Variants in RAB40C observed in about 807,000 individuals in gnomAD.
The protein encoded by RAB40C is RAB40C, member RAS oncogene family.
A neutral mutation model predicts 28.1 loss-of-function variants in RAB40C; 8 were observed. That is an observed-to-expected ratio of 0.28 (90% CI 0.17 to 0.51). The LOEUF (loss-of-function observed/expected upper bound fraction) is 0.51. Among genes scored for constraint, RAB40C ranks in the 20% least tolerant of loss-of-function variants. The pLI is 0.97. For synonymous variants in RAB40C, 201 were observed against 171.7 expected, an observed-to-expected ratio of 1.17 and a Z score of -1.34; for missense variants, 288 against 405.9, an observed-to-expected ratio of 0.71 and a Z score of 2.50.
At position 597,519 on chromosome 16, in the gene RAB40C, C is replaced by T. The variant is rs78183845; in HGVS notation, c.142+7086C>T. On this transcript the variant is annotated intron_variant, in intron 1 of 5. Transcript: ENST00000248139. ...TATTTTTTGAGACAGAGTCTTGCTC[C>T]GTTACCCAGGGTGTAGTTCGATGGC... 2.4e-3 allele frequency among the ~76,000 whole-genome samples: 363 copies of T among 150,964 alleles called. 2 individuals are homozygous for T. Among genetic ancestry groups the T allele is most frequent in the Non-Finnish European group, 3.2e-4 (22 of 67,772 alleles).
intron 1 of RAB40C, 142 bp downstream of exon 1, chr16:590,575 C>T (rs922197260): frequency 8.1e-5 from 93 of 1,146,184 alleles, no homozygotes; most frequent in Non-Finnish European, 1.1e-4. Flanking sequence ...GACTCGGTAG[C>T]TCGGTGGCTG....
At position 625,940 on chromosome 16, in the gene RAB40C, G is replaced by A; in HGVS notation, c.384G>A (p.Leu128=). 1 of 1,613,248 alleles carries A rather than the reference G, an allele frequency of 6.2e-7. No homozygotes were observed. Among genetic ancestry groups the A allele is most frequent in the Non-Finnish European group, 8.5e-7 (1 of 1,179,954 alleles). ...GVPRILVGNR[L]HLAFKRQVPT... Reference sequence around the variant, plus strand: ...CCCGGATCTTGGTTGGAAACCGGCTGCACCTGGCCTTCAAGCGGCAGGTCC... The same window carrying A: ...CCCGGATCTTGGTTGGAAACCGGCTACACCTGGCCTTCAAGCGGCAGGTCC... The change falls in exon 5 of 6, where the codon CTG becomes CTA. Residue 128 remains leucine, a synonymous_variant. Transcript: ENST00000248139.
chr16:628,190 C>CG lies in RAB40C; in HGVS notation c.*571dup, dbSNP rs1185700769. 6.6e-6 allele frequency: 1 copy of CG among 152,502 alleles called. No homozygotes were observed. 9.4% of individuals were successfully genotyped at this position (152,502 alleles called of 1,614,324 possible). ...TGGGTGACCGGGGCCCTGGCTCCCA[C>CG]GGGATGGAGGGTGTGGTCCTGTGGT... On this transcript the variant is annotated 3_prime_UTR_variant, in exon 6 of 6. Transcript: ENST00000248139.
At chr16:605,091 G>A (rs905835250) in intron 1 of RAB40C, among the ~76,000 whole-genome samples, 10 of 152,026 alleles carry the variant, frequency 6.6e-5, no homozygotes, top group African/African-American at 1.9e-4. Flanking sequence ...GTGTGGTGAC[G>A]CACACTTGTA....
intron 3 of RAB40C, among the ~76,000 whole-genome samples, chr16:623,341 T>C (rs776538058): frequency 9.2e-5 from 14 of 152,256 alleles, no homozygotes; most frequent in Non-Finnish European, 1.6e-4. Flanking sequence ...TGTGTGTTCA[T>C]ACTTTTATTT....
chr16:629,144 C>T lies in RAB40C; in HGVS notation c.*1522C>T, dbSNP rs897829704. 4 of 171,280 alleles carry T rather than the reference C, an allele frequency of 2.3e-5. No individual in the cohort carries two copies. The highest frequency in any genetic ancestry group is 9.4e-5 in the African/African-American group (4 of 42,376). The allele number at this position is 171,280 out of a possible 1,614,324, so 10.6% of individuals were successfully genotyped here. A position where few individuals can be genotyped will look rare whatever the true frequency, so the allele number is the denominator to read the frequency against. On this transcript the variant is annotated 3_prime_UTR_variant, in exon 6 of 6. Coordinates refer to ENST00000248139, the MANE Select transcript of RAB40C (RefSeq NM_021168.5). ...TGGGATTATGAACAAACCTCACAGA[C>T]TTTGAGGACCTGGATGGTCCTGCAT...
At chr16:616,151 C>A (rs57189673) in intron 1 of RAB40C, among the ~76,000 whole-genome samples, 1 of 149,878 alleles carries the variant, frequency 6.7e-6, no homozygotes, top group East Asian at 2.0e-4. Flanking sequence ...AGCTACTCAG[C>A]AGGCTGAGGC....
intron 1 of RAB40C, among the ~76,000 whole-genome samples, chr16:606,677 C>G (rs972106536): frequency 6.6e-6 from 1 of 152,220 alleles, no homozygotes; most frequent in Non-Finnish European, 1.5e-5. Flanking sequence ...GGGTGCAAGC[C>G]GAGCCTTTCC....
In RAB40C at chr16:590,261, G is replaced by T; in HGVS notation, c.-31G>T. 7.0e-7 allele frequency: 1 copy of T among 1,437,076 alleles called. No individual in the cohort carries two copies. Among genetic ancestry groups the T allele is most frequent in the Middle Eastern group, 2.5e-4 (1 of 3,952 alleles). 89.0% of individuals were successfully genotyped at this position (1,437,076 alleles called of 1,614,324 possible). A position where few individuals can be genotyped will look rare whatever the true frequency, so the allele number is the denominator to read the frequency against. Reference sequence around the variant, plus strand: ...GCCTCACCCGGCGGTGCTTCGGCAGGCGGCCGGCGCGGGGCGCAGGCGGCG... The same window carrying T: ...GCCTCACCCGGCGGTGCTTCGGCAGTCGGCCGGCGCGGGGCGCAGGCGGCG... On this transcript the variant is annotated 5_prime_UTR_variant, in exon 1 of 6. Coordinates refer to ENST00000248139, the MANE Select transcript of RAB40C (RefSeq NM_021168.5).
chr16:603,217 G>C (rs757358432), intron 1 of RAB40C, among the ~76,000 whole-genome samples: 43 of 152,234 alleles, frequency 2.8e-4, no homozygotes, highest in Admixed American at 2.0e-4. Flanking sequence ...AAAAGCTCTA[G>C]CTTCGCAGGA....
chr16:624,449 C>G, intron 3 of RAB40C: 1 of 985,502 alleles, frequency 1.0e-6, no homozygotes, highest in Non-Finnish European at 1.2e-6. Context: ...TGAGCTGTCG[C>G]TCCATCCTGA....
chr16:590,833 A>G (rs1419566426), intron 1 of RAB40C, among the ~76,000 whole-genome samples: 2 of 147,262 alleles, frequency 1.4e-5, no homozygotes, highest in African/African-American at 5.1e-5. Context: ...GTCCGAGGGA[A>G]GGTGTCATGG....
Position 590,242 on chromosome 16 carries a change from C to G in RAB40C, c.-50C>G. On this transcript the variant is annotated 5_prime_UTR_variant, in exon 1 of 6. Coordinates refer to ENST00000248139, the MANE Select transcript of RAB40C (RefSeq NM_021168.5). Reference sequence around the variant, plus strand: ...CGGGCTCTCTCACGCCGCGGCCTCACCCGGCGGTGCTTCGGCAGGCGGCCG... The same window carrying G: ...CGGGCTCTCTCACGCCGCGGCCTCAGCCGGCGGTGCTTCGGCAGGCGGCCG... 2.2e-6 allele frequency: 3 copies of G among 1,362,546 alleles called. No individual in the cohort carries two copies. The highest frequency in any genetic ancestry group is 2.9e-6 in the Non-Finnish European group (3 of 1,051,858). 84.4% of individuals were successfully genotyped at this position (1,362,546 alleles called of 1,614,324 possible). A position where few individuals can be genotyped will look rare whatever the true frequency, so the allele number is the denominator to read the frequency against.
chr16:605,395 A>G (rs1445876394), intron 1 of RAB40C, among the ~76,000 whole-genome samples: 2 of 152,160 alleles, frequency 1.3e-5, no homozygotes, highest in African/African-American at 4.8e-5. Flanking sequence ...AACCCCTTTA[A>G]AGTCTGCAAT....
rs1443588472 is a variant in RAB40C at position 610,862 on chromosome 16, G to A, written c.143-6346G>A. On this transcript the variant is annotated intron_variant, in intron 1 of 5. Transcript: ENST00000248139. This position sits in a 1 kb window ranked among gnomAD's most constrained non-coding sequence, Gnocchi z 4.6. ...CCTCTGAGAGTCCAGACCTTTTCCAGAGTGACATCCTGGGGCCCTGTGTGG... is the reference window on the plus strand; with the variant it reads ...CCTCTGAGAGTCCAGACCTTTTCCAAAGTGACATCCTGGGGCCCTGTGTGG... Among the ~76,000 whole-genome samples the A allele has an allele frequency of 5.9e-5, 9 of 152,102 alleles. No individual in the cohort carries two copies. Among genetic ancestry groups the A allele is most frequent in the Non-Finnish European group, 1.3e-4 (9 of 68,020 alleles).
At chr16:624,492 C>T in intron 3 of RAB40C, 1 of 985,484 alleles carries the variant, frequency 1.0e-6, no homozygotes, top group Non-Finnish European at 1.2e-6. Context: ...TTAGTAATGT[C>T]AACCTTGTTC....
At chr16:611,237 C>T (rs2077357437) in intron 1 of RAB40C, among the ~76,000 whole-genome samples, 1 of 152,206 alleles carries the variant, frequency 6.6e-6, no homozygotes, top group Non-Finnish European at 1.5e-5. Context: ...TTTGCAGCAG[C>T]CATGGCTCCT....
intron 1 of RAB40C, among the ~76,000 whole-genome samples, chr16:594,818 CTTTTTTTT>C (rs1006905623): frequency 7.7e-6 from 1 of 130,326 alleles, no homozygotes; most frequent in African/African-American, 2.9e-5. Flanking sequence ...GCTCGTCTTC[CTTTTTTTT>C]TTTTTTTTTT....
At chr16:611,605 G>A (rs866881484) in intron 1 of RAB40C, among the ~76,000 whole-genome samples, 1 of 151,946 alleles carries the variant, frequency 6.6e-6, no homozygotes, top group Non-Finnish European at 1.5e-5. Flanking sequence ...CGGGACAGCC[G>A]CCCTGGCCTG....
Sources: allele counts gnomAD v4.1 joint callset (sites outside exome capture counted in the v4.1 genomes callset), GRCh38; gene constraint gnomAD v4.1.1; non-coding constraint Gnocchi (gnomAD v3.1); transcripts MANE v1.5; gene names NCBI Gene and HGNC (gene_info 2026-07-23, HGNC 2026-07-21).